Variants in TGFBR3 observed in about 807,000 individuals in gnomAD.
TGFBR3 encodes transforming growth factor beta receptor 3, also known as transforming growth factor beta receptor type 3.
Under a neutral mutation model 87.9 loss-of-function variants are expected in TGFBR3, and 46 were observed. The observed-to-expected ratio is 0.52, with a 90% confidence interval of 0.41 to 0.67. The LOEUF is 0.67. Among genes scored for constraint, TGFBR3 ranks in the 30% least tolerant of loss-of-function variants. The probability of loss-of-function intolerance (pLI) is 0.00; values close to 1 mark genes in which losing one functional copy is unlikely to be tolerated. For missense variants in TGFBR3, 866 were observed against 1,041.9 expected (o/e 0.83, Z 2.32); for synonymous variants, 381 against 391.6 (o/e 0.97, Z 0.32).
chr1:91,749,077 G>A (rs756358572), intron 4 of TGFBR3, among the ~76,000 whole-genome samples: 36 of 152,130 alleles, frequency 2.4e-4, no homozygotes, highest in Non-Finnish European at 3.5e-4. Flanking sequence ...ACTATGGCAG[G>A]ACCATAGCCT....
At position 91,680,709 on chromosome 1, in the gene TGFBR3, A is replaced by G. The variant is rs1670879748; in HGVS notation, c.*3030T>C. 2.2e-6 allele frequency: 1 copy of G among 454,014 alleles called. No homozygotes were observed. The highest frequency in any genetic ancestry group is 2.0e-5 in the African/African-American group (1 of 50,004). The allele number at this position is 454,014 out of a possible 1,614,324, so 28.1% of individuals were successfully genotyped here. On this transcript the variant is annotated 3_prime_UTR_variant, in exon 17 of 17. Transcript: ENST00000212355. ...CCAACAAAATGTGCTCTGTTAACAC[A>G]ACCAGCAGTACAATCATCATTCAAA...
chr1:91,780,530 A>G (rs1267892920), intron 3 of TGFBR3, among the ~76,000 whole-genome samples: 1 of 132,624 alleles, frequency 7.5e-6, no homozygotes, highest in Non-Finnish European at 1.6e-5. Flanking sequence ...GTTGCCTACT[A>G]GTTCCCGCAA....
At chr1:91,755,916 A>G (rs1159491596) in intron 4 of TGFBR3, among the ~76,000 whole-genome samples, 2 of 152,128 alleles carry the variant, frequency 1.3e-5, no homozygotes, top group Non-Finnish European at 2.9e-5. Context: ...CAAATTCAAC[A>G]CCCGTCCCAC....
At chr1:91,889,761 A>G (rs1276448796), upstream of TGFBR3, among the ~76,000 whole-genome samples, 1 of 78,126 alleles carries the variant, frequency 1.3e-5, no homozygotes, top group Non-Finnish European at 2.6e-5. Flanking sequence ...TGCAACCCCC[A>G]CCCCCACCTC....
intron 2 of TGFBR3, among the ~76,000 whole-genome samples, chr1:91,802,689 G>T (rs1571526220): frequency 6.6e-6 from 1 of 152,052 alleles, no homozygotes; most frequent in Non-Finnish European, 1.5e-5. Flanking sequence ...CTCCAGGCCT[G>T]AATATTCAAC....
At chr1:91,887,326 G>C (rs764501644), upstream of TGFBR3, among the ~76,000 whole-genome samples, 3 of 129,458 alleles carry the variant, frequency 2.3e-5, no homozygotes, top group Non-Finnish European at 4.7e-5. Context: ...ATCTCAGCTC[G>C]CTACAACCTC....
chr1:91,836,144 G>A (rs1474043175), intron 2 of TGFBR3, among the ~76,000 whole-genome samples: 1 of 152,142 alleles, frequency 6.6e-6, no homozygotes, highest in Non-Finnish European at 1.5e-5. Context: ...CTACTCAGGA[G>A]GCTGAGGCTG....
At chr1:91,882,334 G>A (rs944817551) in intron 1 of TGFBR3, among the ~76,000 whole-genome samples, 1 of 151,474 alleles carries the variant, frequency 6.6e-6, no homozygotes, top group Non-Finnish European at 1.5e-5. Flanking sequence ...ATCAGGTTTC[G>A]CCATGTTGGC....
intron 2 of TGFBR3, among the ~76,000 whole-genome samples, chr1:91,822,293 T>TAAAAAAA (rs71087974): frequency 1.1e-5 from 1 of 93,338 alleles, no homozygotes; most frequent in Non-Finnish European, 1.9e-5. Flanking sequence ...AGCAAAGCAT[T>TAAAAAAA]AAAAAAAAAA....
intron 16 of TGFBR3, among the ~76,000 whole-genome samples, chr1:91,686,425 T>C (rs1359249704): frequency 6.6e-6 from 1 of 152,182 alleles, no homozygotes; most frequent in African/African-American, 2.4e-5. Flanking sequence ...GTTAACCTAA[T>C]ATTATATTGA....
intron 3 of TGFBR3, among the ~76,000 whole-genome samples, chr1:91,791,312 A>G (rs1381728927): frequency 6.6e-6 from 1 of 152,192 alleles, no homozygotes; most frequent in Non-Finnish European, 1.5e-5. Flanking sequence ...AGAACATAAA[A>G]GGCCCCTTGG....
chr1:91,764,386 A>C (rs1322739843), intron 3 of TGFBR3, among the ~76,000 whole-genome samples: 1 of 150,922 alleles, frequency 6.6e-6, no homozygotes, highest in African/African-American at 2.4e-5. Context: ...GCTCTGCTCC[A>C]TATTTTGTAT....
chr1:91,790,535 G>A (rs1011457264), intron 3 of TGFBR3, among the ~76,000 whole-genome samples: 1 of 152,178 alleles, frequency 6.6e-6, no homozygotes, highest in South Asian at 2.1e-4. Context: ...GTCAAGCTGG[G>A]TGATTTCCAG....
intron 5 of TGFBR3, among the ~76,000 whole-genome samples, chr1:91,732,732 G>A (rs1048792956): frequency 6.6e-6 from 1 of 152,146 alleles, no homozygotes; most frequent in Admixed American, 6.5e-5. Flanking sequence ...CAGGGGTTCC[G>A]AAGGTGTTAC....
intron 14 of TGFBR3, among the ~76,000 whole-genome samples, chr1:91,704,165 T>C (rs1023641052): frequency 6.6e-6 from 1 of 151,754 alleles, no homozygotes; most frequent in African/African-American, 2.4e-5. Context: ...CCATCTCTAC[T>C]AAAAATACAA....
intron 1 of TGFBR3, among the ~76,000 whole-genome samples, chr1:91,905,648 G>A (rs980827759): frequency 5.3e-5 from 8 of 151,882 alleles, no homozygotes; most frequent in Non-Finnish European, 1.0e-4. Flanking sequence ...CACCCGCCTC[G>A]GCCTCCCAAA....
At chr1:91,848,642 A>G (rs1410771604) in intron 2 of TGFBR3, among the ~76,000 whole-genome samples, 2 of 152,256 alleles carry the variant, frequency 1.3e-5, no homozygotes, top group Non-Finnish European at 2.9e-5. Context: ...CCTACAACTC[A>G]GAAACATTTA....
At chr1:91,687,969 CTG>C (rs1470469996) in intron 16 of TGFBR3, among the ~76,000 whole-genome samples, 1 of 152,194 alleles carries the variant, frequency 6.6e-6, no homozygotes, top group Non-Finnish European at 1.5e-5. Flanking sequence ...GATCTCCTAA[CTG>C]TAATTAATTC....
intron 3 of TGFBR3, among the ~76,000 whole-genome samples, chr1:91,767,849 G>T (rs1309233465): frequency 6.7e-6 from 1 of 150,206 alleles, no homozygotes; most frequent in Non-Finnish European, 1.5e-5. Flanking sequence ...AGGGATAAAT[G>T]CATTAATTAC....
Sources: gnomAD v4.1 joint callset for allele counts (sites outside exome capture counted in the v4.1 genomes callset) on GRCh38, gnomAD v4.1.1 for gene constraint, MANE v1.5 for transcripts, NCBI Gene and HGNC (gene_info 2026-07-23, HGNC 2026-07-21) for gene names.